ZFR2: variants seen among roughly 807,000 people sequenced by gnomAD.
ZFR2 encodes zinc finger RNA binding protein 2.
In ZFR2, 104 loss-of-function variants were observed where a neutral mutation model predicts 105.7. The ratio of observed to expected loss-of-function variants is 0.98; its 90% CI spans 0.84 to 1.16. The LOEUF is 1.16. Ranked by LOEUF, ZFR2 falls within the 50% of genes most tolerant of loss-of-function variation. The probability of loss-of-function intolerance (pLI) is 0.00; values close to 1 mark genes in which losing one functional copy is unlikely to be tolerated. For synonymous variants in ZFR2, 634 were observed against 597.7 expected, an observed-to-expected ratio of 1.06 and a Z score of -0.89; for missense variants, 1,425 against 1,355.5, an observed-to-expected ratio of 1.05 and a Z score of -0.80.
intron 1 of ZFR2, chr19:3,852,551 T>A: frequency 1.4e-6 from 1 of 718,622 alleles, no homozygotes; most frequent in South Asian, 1.5e-5. Context: ...TGCAGCCAAC[T>A]GTCCAAGGCA....
intron 1 of ZFR2, among the ~76,000 whole-genome samples, chr19:3,840,521 G>A (rs893809314): frequency 1.3e-5 from 2 of 151,446 alleles, no homozygotes; most frequent in Non-Finnish European, 2.9e-5. Context: ...ACAGGCATGA[G>A]CCACTGTGCC....
At chr19:3,850,873 G>A (rs1360315944) in intron 1 of ZFR2, among the ~76,000 whole-genome samples, 2 of 134,490 alleles carry the variant, frequency 1.5e-5, no homozygotes, top group East Asian at 2.3e-4. Flanking sequence ...CCACTGCACT[G>A]CAACCTGGAT....
chr19:3,852,585 A>T lies in ZFR2; in HGVS notation c.53+16380T>A, dbSNP rs201408938. The T allele has an allele frequency of 2.0e-3, 1,443 of 718,622 alleles. 4 individuals are homozygous for T. The highest frequency in any genetic ancestry group is 3.1e-3 in the Non-Finnish European group (1,202 of 385,072). The allele number at this position is 718,622 out of a possible 1,614,324, so 44.5% of individuals were successfully genotyped here. The stretch of plus-strand genomic sequence containing the variant: ...CAGGGCACAAGGAAGCCCAGATGCA[A>T]GGGCCGGGGGAGTGGTCTCCACTTC... On this transcript the variant is annotated intron_variant, in intron 1 of 18. Coordinates refer to ENST00000262961, the MANE Select transcript of ZFR2 (RefSeq NM_015174.2).
In ZFR2 at chr19:3,868,990, C is replaced by G; in HGVS notation, c.28G>C (p.Ala10Pro). MATSQYFDF[A>P]QGGGPQYSAQ... is the part of the protein sequence containing the mutation. The stretch of plus-strand genomic sequence containing the variant: ...CTGTACTGCGGGCCGCCGCCCTGCG[C>G]GAAGTCGAAATACTGACTCGTCGCC... Residue 10 changes from alanine to proline, a missense_variant, in exon 1 of 19, where the codon GCG becomes CCG. Coordinates refer to ENST00000262961, the MANE Select transcript of ZFR2 (RefSeq NM_015174.2). 3 of 1,377,854 alleles carry G rather than the reference C, an allele frequency of 2.2e-6. No homozygotes were observed. The highest frequency in any genetic ancestry group is 2.8e-6 in the Non-Finnish European group (3 of 1,055,446). The allele number at this position is 1,377,854 out of a possible 1,614,324, so 85.4% of individuals were successfully genotyped here. A position where few individuals can be genotyped will look rare whatever the true frequency, so the allele number is the denominator to read the frequency against.
chr19:3,834,858 T>A lies in ZFR2; in HGVS notation c.179A>T (p.Tyr60Phe). The A allele has an allele frequency of 1.2e-6, 2 of 1,611,766 alleles. No individual in the cohort carries two copies. The highest frequency in any genetic ancestry group is 1.7e-6 in the Non-Finnish European group (2 of 1,179,208). The change falls in exon 2 of 19, where the codon TAC (tyrosine) becomes TTC (phenylalanine). Residue 60 changes from tyrosine (Y) to phenylalanine (F), a missense_variant. Tyr to Phe is a conservative substitution (Grantham distance 22, BLOSUM62 3). Coordinates refer to ENST00000262961, the MANE Select transcript of ZFR2 (RefSeq NM_015174.2). The surrounding 1 kb of genome is among the most constrained non-coding windows in gnomAD (Gnocchi z 5.3). Reference protein sequence around the residue: ...PPAAPAGYGGYQPHSGQDFAY... With the variant: ...PPAAPAGYGGFQPHSGQDFAY... ...GAAGTCCTGGCCGGAGTGGGGCTGGTATCCACCGTACCCTGCCGGGGCAGC... is the reference window on the plus strand; with the variant it reads ...GAAGTCCTGGCCGGAGTGGGGCTGGAATCCACCGTACCCTGCCGGGGCAGC...
At chr19:3,851,671 T>C (rs546899568) in intron 1 of ZFR2, 2 of 152,494 alleles carry the variant, frequency 1.3e-5, no homozygotes, top group East Asian at 3.9e-4. Flanking sequence ...GAGTCAGCTA[T>C]GTATGGCCAA....
At chr19:3,862,419 T>C (rs2145195946) in intron 1 of ZFR2, among the ~76,000 whole-genome samples, 1 of 152,260 alleles carries the variant, frequency 6.6e-6, no homozygotes, top group Non-Finnish European at 1.5e-5. Context: ...TGCCTCAGCC[T>C]CCCGAGTAGC....
At chr19:3,811,815 C>T (rs1049770448) in intron 14 of ZFR2, among the ~76,000 whole-genome samples, 1 of 151,944 alleles carries the variant, frequency 6.6e-6, no homozygotes, top group African/African-American at 2.4e-5. Flanking sequence ...GGCTGGAGTG[C>T]AGTGGTGTGA....
At chr19:3,815,910 CCTGG>C (rs2037820352) in intron 13 of ZFR2, among the ~76,000 whole-genome samples, 1 of 151,064 alleles carries the variant, frequency 6.6e-6, no homozygotes, top group Non-Finnish European at 1.5e-5. Flanking sequence ...CGCCACCACG[CCTGG>C]CTAATTTTTT....
At position 3,821,321 on chromosome 19, in the gene ZFR2, A is replaced by G. The variant is rs778671606; in HGVS notation, c.1631+19T>C. On this transcript the variant is annotated intron_variant, in intron 10 of 18. Transcript: ENST00000262961. ...CCCTCCCTCACCAGGCCCCCTTGCC[A>G]AGACCCGCAGCCGGGCACCTCCTCT... The G allele has an allele frequency of 1.9e-6, 3 of 1,560,306 alleles. No homozygotes were observed. Among genetic ancestry groups the G allele is most frequent in the African/African-American group, 1.4e-5 (1 of 73,528 alleles).
At chr19:3,865,971 A>G (rs1291186114) in intron 1 of ZFR2, among the ~76,000 whole-genome samples, 1 of 152,040 alleles carries the variant, frequency 6.6e-6, no homozygotes, top group South Asian at 2.1e-4. Context: ...CCTCCCGAGT[A>G]ACTGGGATTA....
intron 1 of ZFR2, among the ~76,000 whole-genome samples, chr19:3,851,247 G>A (rs1278958871): frequency 3.9e-5 from 6 of 152,190 alleles, no homozygotes; most frequent in African/African-American, 7.2e-5. Flanking sequence ...GAACACATGC[G>A]CCATCATGTC....
intron 1 of ZFR2, among the ~76,000 whole-genome samples, chr19:3,864,338 G>A (rs1006925496): frequency 1.3e-5 from 2 of 151,970 alleles, no homozygotes; most frequent in African/African-American, 2.4e-5. Context: ...AGACTGCTAC[G>A]GCACTCCAGC....
intron 1 of ZFR2, among the ~76,000 whole-genome samples, chr19:3,868,360 T>C (rs1240309418): frequency 6.9e-6 from 1 of 145,870 alleles, no homozygotes; most frequent in Non-Finnish European, 1.5e-5. Flanking sequence ...CCCAGGTCTG[T>C]GTCTTCTCCT....
At position 3,823,027 on chromosome 19, in the gene ZFR2, C is replaced by T. The variant is rs763608546; in HGVS notation, c.1371+219G>A. ...TGCCTCGGCCTGTCTCTGGCCCTCACGGGGCCATATTCATTTCCTGCTGAT... is the reference window on the plus strand; with the variant it reads ...TGCCTCGGCCTGTCTCTGGCCCTCATGGGGCCATATTCATTTCCTGCTGAT... On this transcript the variant is annotated intron_variant, in intron 8 of 18. Coordinates refer to ENST00000262961, the MANE Select transcript of ZFR2 (RefSeq NM_015174.2). The surrounding 1 kb of genome is among the most constrained non-coding windows in gnomAD (Gnocchi z 5.4). 1.3e-5 allele frequency among the ~76,000 whole-genome samples: 2 copies of T among 152,224 alleles called. No homozygotes were observed. Among genetic ancestry groups the T allele is most frequent in the Non-Finnish European group, 2.9e-5 (2 of 68,036 alleles).
chr19:3,812,224 G>A lies in ZFR2; in HGVS notation c.2243-858C>T, dbSNP rs374738210. On this transcript the variant is annotated intron_variant, in intron 14 of 18. Transcript: ENST00000262961. ...CTCCCAAAGTGCTAGGATTACAGGC[G>A]TGAGCCACCGCGCCTGGCCAAATTT... Among the ~76,000 whole-genome samples, 8 of 152,224 alleles carry A rather than the reference G, an allele frequency of 5.3e-5. No homozygotes were observed. In the East Asian group the frequency reaches 1.2e-3, roughly 22 times the overall value.
rs368996874 is a variant in ZFR2, at chr19:3,826,465, T to A, written c.1035+1006A>T. 2.7e-3 allele frequency among the ~76,000 whole-genome samples: 407 copies of A among 148,516 alleles called. 2 individuals are homozygous for A. Among genetic ancestry groups the A allele is most frequent in the Non-Finnish European group, 4.3e-3 (288 of 67,700 alleles). Reference sequence around the variant, plus strand: ...TTTTTTTTCTTTTGGCGACAGAGCCTTGCTCTGTCGCCCAGGCTGGAGTGC... The same window carrying A: ...TTTTTTTTCTTTTGGCGACAGAGCCATGCTCTGTCGCCCAGGCTGGAGTGC... On this transcript the variant is annotated intron_variant, in intron 6 of 18. Transcript: ENST00000262961.
intron 6 of ZFR2, among the ~76,000 whole-genome samples, chr19:3,827,191 G>A (rs998003902): frequency 1.2e-4 from 19 of 152,330 alleles, no homozygotes; most frequent in South Asian, 4.1e-4. Context: ...GCAGTGAGCC[G>A]AGATTGTGCC....
At chr19:3,859,392 G>A (rs2038344701) in intron 1 of ZFR2, among the ~76,000 whole-genome samples, 1 of 152,200 alleles carries the variant, frequency 6.6e-6, no homozygotes, top group Non-Finnish European at 1.5e-5. Flanking sequence ...TTGTGCCTCA[G>A]CTTGCAGACG....
Sources: gnomAD v4.1 joint callset for allele counts (sites outside exome capture counted in the v4.1 genomes callset) on GRCh38, gnomAD v4.1.1 for gene constraint, Gnocchi (gnomAD v3.1) non-coding constraint, MANE v1.5 for transcripts, NCBI Gene and HGNC (gene_info 2026-07-23, HGNC 2026-07-21) for gene names.